AGMO: variants seen among roughly 807,000 people sequenced by gnomAD.
AGMO encodes glyceryl-ether monooxygenase.
In AGMO, 75 loss-of-function variants were observed where a neutral mutation model predicts 60.2. The ratio of observed to expected loss-of-function variants is 1.25; its 90% CI spans 1.03 to 1.51. The LOEUF is 1.51. Among genes scored for constraint, AGMO ranks in the 40% most tolerant of loss-of-function variants. The pLI is 0.00. For missense variants in AGMO, 763 were observed against 525.5 expected (o/e 1.45, Z -4.42); for synonymous variants, 261 against 177.1 (o/e 1.47, Z -3.76).
At chr7:15,419,978 A>G (rs142317235) in intron 4 of AGMO, among the ~76,000 whole-genome samples, 17 of 152,216 alleles carry the variant, frequency 1.1e-4, no homozygotes, top group African/African-American at 3.6e-4. Context: ...TACTTGCAAA[A>G]CATATATGGC....
At chr7:15,371,297 G>A (rs981454320) in intron 10 of AGMO, among the ~76,000 whole-genome samples, 31 of 151,758 alleles carry the variant, frequency 2.0e-4, no homozygotes, top group African/African-American at 4.6e-4. Flanking sequence ...CTAAGCTCAC[G>A]ACAACCTCCC....
intron 12 of AGMO, among the ~76,000 whole-genome samples, chr7:15,273,779 G>A (rs538200942): frequency 6.6e-6 from 1 of 152,216 alleles, no homozygotes; most frequent in South Asian, 2.1e-4. Context: ...CCATTTGTTT[G>A]TGTCCTCTTT....
At chr7:15,152,986 C>T in the AGMO span, among the ~76,000 whole-genome samples, 1 of 152,114 alleles carries the variant, frequency 6.6e-6, no homozygotes, top group Non-Finnish European at 1.5e-5. Context: ...TCCCTTTTCA[C>T]CACATCCACA....
intron 12 of AGMO, among the ~76,000 whole-genome samples, chr7:15,278,852 G>C (rs1375259019): frequency 6.6e-6 from 1 of 152,118 alleles, no homozygotes; most frequent in African/African-American, 2.4e-5. Flanking sequence ...TGCAGCTATA[G>C]TACTCACATG....
chr7:15,314,943 G>C (rs1310764316), intron 12 of AGMO, among the ~76,000 whole-genome samples: 6 of 152,130 alleles, frequency 3.9e-5, no homozygotes, highest in African/African-American at 1.4e-4. Flanking sequence ...ATCATTGCTG[G>C]CTCTAATCTG....
chr7:15,187,314 G>A, the AGMO span, among the ~76,000 whole-genome samples: 1 of 152,132 alleles, frequency 6.6e-6, no homozygotes, highest in Non-Finnish European at 1.5e-5. Flanking sequence ...TTTCTTCCCT[G>A]TTTGCACATT....
intron 3 of AGMO, among the ~76,000 whole-genome samples, chr7:15,508,369 T>A (rs554301470): frequency 6.6e-6 from 1 of 152,236 alleles, no homozygotes; most frequent in South Asian, 2.1e-4. Flanking sequence ...CAAGTTGACA[T>A]CTGTAAAGTA....
At chr7:15,217,628 T>C (rs914047395) in intron 12 of AGMO, among the ~76,000 whole-genome samples, 4 of 151,996 alleles carry the variant, frequency 2.6e-5, no homozygotes, top group Non-Finnish European at 5.9e-5. Flanking sequence ...ATATAAGATA[T>C]TGAAATTAAA....
chr7:15,347,418 T>C (rs981698619), intron 12 of AGMO, among the ~76,000 whole-genome samples: 2 of 152,102 alleles, frequency 1.3e-5, no homozygotes, highest in Non-Finnish European at 2.9e-5. Context: ...ATCTGATGTT[T>C]AAACATGCTT....
intron 3 of AGMO, among the ~76,000 whole-genome samples, chr7:15,441,755 A>C (rs1781563118): frequency 6.6e-6 from 1 of 152,202 alleles, no homozygotes; most frequent in African/African-American, 2.4e-5. Flanking sequence ...TACGGAATCC[A>C]TTTTGAAAGG....
chr7:15,457,578 C>T (rs1333844365), intron 3 of AGMO, among the ~76,000 whole-genome samples: 1 of 152,152 alleles, frequency 6.6e-6, no homozygotes, highest in Non-Finnish European at 1.5e-5. Context: ...GGACTGCTTA[C>T]AGCAAATTAG....
intron 3 of AGMO, among the ~76,000 whole-genome samples, chr7:15,494,677 T>C (rs141647421): frequency 1.3e-3 from 192 of 152,344 alleles, no homozygotes; most frequent in Non-Finnish European, 2.3e-3. Flanking sequence ...TGTCAATAAA[T>C]GGCTAATGAA....
At chr7:15,201,691 T>C (rs1467079305) in intron 12 of AGMO, among the ~76,000 whole-genome samples, 2 of 152,184 alleles carry the variant, frequency 1.3e-5, no homozygotes, top group Non-Finnish European at 2.9e-5. Flanking sequence ...GCTGTATGCA[T>C]TATACTAGAT....
the AGMO span, among the ~76,000 whole-genome samples, chr7:15,161,945 T>C: frequency 6.6e-6 from 1 of 152,106 alleles, no homozygotes; most frequent in Non-Finnish European, 1.5e-5. Flanking sequence ...ATATGATTCG[T>C]CTCAGTGTCT....
intron 12 of AGMO, among the ~76,000 whole-genome samples, chr7:15,287,680 C>T (rs1435661653): frequency 6.6e-6 from 1 of 152,148 alleles, no homozygotes; most frequent in Non-Finnish European, 1.5e-5. Flanking sequence ...ATATTTAAAA[C>T]TACTTACATG....
intron 3 of AGMO, among the ~76,000 whole-genome samples, chr7:15,482,473 G>T (rs574828205): frequency 1.3e-5 from 2 of 152,200 alleles, no homozygotes; most frequent in South Asian, 4.1e-4. Flanking sequence ...AATCTCCACG[G>T]TGACTTTTTT....
intron 12 of AGMO, among the ~76,000 whole-genome samples, chr7:15,333,165 A>G (rs901879295): frequency 6.6e-6 from 1 of 152,192 alleles, no homozygotes; most frequent in Non-Finnish European, 1.5e-5. Context: ...ACCACTTTGT[A>G]GCTTGAAATG....
intron 12 of AGMO, among the ~76,000 whole-genome samples, chr7:15,241,147 A>G (rs796804631): frequency 6.6e-6 from 1 of 151,970 alleles, no homozygotes; most frequent in African/African-American, 2.4e-5. Flanking sequence ...GTAGGTATCA[A>G]GCCAACATGG....
At chr7:15,346,810 T>C (rs899480607) in intron 12 of AGMO, among the ~76,000 whole-genome samples, 1 of 151,860 alleles carries the variant, frequency 6.6e-6, no homozygotes, top group Admixed American at 6.6e-5. Flanking sequence ...TTGAACTGTA[T>C]CTTATTATTA....
Sources: gnomAD v4.1 joint callset for allele counts (sites outside exome capture counted in the v4.1 genomes callset) on GRCh38, gnomAD v4.1.1 for gene constraint, MANE v1.5 for transcripts, NCBI Gene and HGNC (gene_info 2026-07-23, HGNC 2026-07-21) for gene names.